Variants in PCSK2 observed in about 807,000 individuals in gnomAD.
The protein encoded by PCSK2 is proprotein convertase subtilisin/kexin type 2.
PCSK2 carries 14 observed loss-of-function variants against 69.7 expected under a neutral mutation model. The observed-to-expected ratio is 0.20, with a 90% CI of 0.13 to 0.31. PCSK2 has a LOEUF of 0.31. Among genes scored for constraint, PCSK2 ranks in the 10% least tolerant of loss-of-function variants. The pLI, the probability that PCSK2 is intolerant of heterozygous loss-of-function variation, is 1.00. For missense variants in PCSK2, 544 were observed against 842.5 expected (o/e 0.65, Z 4.39); for synonymous variants, 307 against 320.7 (o/e 0.96, Z 0.46).
Position 17,304,759 on chromosome 20 carries a change from A to G in PCSK2, c.282+44415A>G, listed in dbSNP as rs115555775. ...ATTGAGCTTATGATTCAGTCTCCCC[A>G]TATGTAAAATGCAGATAATAATAGA... On this transcript the variant is annotated intron_variant, in intron 2 of 11. Coordinates refer to ENST00000262545, the MANE Select transcript of PCSK2 (RefSeq NM_002594.5). 1.5e-3 allele frequency among the ~76,000 whole-genome samples: 222 copies of G among 152,266 alleles called. 2 individuals are homozygous for G. The highest frequency in any genetic ancestry group is 4.9e-3 in the African/African-American group (202 of 41,544).
intron 6 of PCSK2, 31 bp downstream of exon 6, chr20:17,409,370 T>C (rs765291096): frequency 6.7e-7 from 1 of 1,483,378 alleles, no homozygotes; most frequent in African/African-American, 1.4e-5. Context: ...TCTCTTTGAC[T>C]TTAGGCTTTG....
chr20:17,396,942 G>C (rs750190891), intron 5 of PCSK2, among the ~76,000 whole-genome samples: 2 of 152,116 alleles, frequency 1.3e-5, no homozygotes, highest in Admixed American at 1.3e-4. Flanking sequence ...TGGGAGAATC[G>C]GCCAGTTCTA....
intron 11 of PCSK2, chr20:17,479,574 C>G (rs2033355034): frequency 3.6e-6 from 1 of 281,254 alleles, no homozygotes; most frequent in African/African-American, 2.2e-5. Context: ...CCGAGGCAGG[C>G]GGATCACAAG....
chr20:17,259,271 G>A (rs1177021349), intron 1 of PCSK2, among the ~76,000 whole-genome samples: 3 of 152,126 alleles, frequency 2.0e-5, no homozygotes, highest in Non-Finnish European at 4.4e-5. Flanking sequence ...TCCAAAAAAA[G>A]TACATATTTA....
At chr20:17,347,571 AG>A (rs1046382984) in intron 2 of PCSK2, among the ~76,000 whole-genome samples, 3 of 152,136 alleles carry the variant, frequency 2.0e-5, no homozygotes, top group Non-Finnish European at 4.4e-5. Flanking sequence ...GAAAAGCTAG[AG>A]CCCCAACAGT....
chr20:17,249,235 G>A (rs374757945), intron 1 of PCSK2, among the ~76,000 whole-genome samples: 29 of 152,222 alleles, frequency 1.9e-4, no homozygotes, highest in African/African-American at 5.5e-4. Context: ...AGTCGGGCGC[G>A]GTGGCTCACG....
chr20:17,345,591 G>A (rs1485574208), intron 2 of PCSK2, among the ~76,000 whole-genome samples: 2 of 152,174 alleles, frequency 1.3e-5, no homozygotes, highest in East Asian at 3.9e-4. Flanking sequence ...AAAGCAGTCA[G>A]CAGACTAGAC....
At chr20:17,258,508 A>G (rs761732649) in intron 1 of PCSK2, among the ~76,000 whole-genome samples, 60 of 152,220 alleles carry the variant, frequency 3.9e-4, no homozygotes, top group Admixed American at 6.5e-5. Context: ...CTTAATATGC[A>G]TCAATAATGG....
In PCSK2 at chr20:17,358,453, A is replaced by G; in HGVS notation, c.396+13A>G. On this transcript the variant is annotated intron_variant, in intron 3 of 11. Transcript: ENST00000262545. ...GCAGTGGTATCTGGTGAGTGTCTTT[A>G]TGTCCTTTTGGACATTTCCCATCTT... 2.2e-6 allele frequency: 3 copies of G among 1,363,278 alleles called. No homozygotes were observed. Among genetic ancestry groups the G allele is most frequent in the Middle Eastern group, 3.6e-4 (2 of 5,582 alleles). 84.4% of individuals were successfully genotyped at this position (1,363,278 alleles called of 1,614,324 possible).
chr20:17,343,028 T>C (rs1217996826), intron 2 of PCSK2, among the ~76,000 whole-genome samples: 1 of 152,124 alleles, frequency 6.6e-6, no homozygotes, highest in African/African-American at 2.4e-5. Flanking sequence ...AGAAAACAAA[T>C]GTACAGAAAG....
chr20:17,367,807 G>A (rs1023565007), intron 4 of PCSK2, among the ~76,000 whole-genome samples: 7 of 152,076 alleles, frequency 4.6e-5, no homozygotes, highest in South Asian at 2.1e-4. Flanking sequence ...CAAAATTGAC[G>A]GTCTTTGAAT....
intron 5 of PCSK2, among the ~76,000 whole-genome samples, chr20:17,383,021 C>T (rs1352698833): frequency 1.3e-5 from 2 of 152,150 alleles, no homozygotes; most frequent in African/African-American, 2.4e-5. Context: ...ATGTGTTCCC[C>T]CATTAGAATG....
intron 5 of PCSK2, among the ~76,000 whole-genome samples, chr20:17,374,811 G>A (rs529711011): frequency 1.3e-5 from 2 of 152,260 alleles, no homozygotes; most frequent in South Asian, 4.2e-4. Flanking sequence ...GAGATGAGGT[G>A]GGGAGATAGA....
rs1986143526 is a variant in PCSK2, at chr20:17,231,578, T to C, written c.177+4096T>C. On this transcript the variant is annotated intron_variant, in intron 1 of 11. Transcript: ENST00000262545. The stretch of plus-strand genomic sequence containing the variant: ...GAATCCTAGAAATGGAATTGTTGAG[T>C]AAAAGGATATGCATGCATACAGCTT... Among the ~76,000 whole-genome samples the C allele has an allele frequency of 2.0e-5, 3 of 152,196 alleles. No individual in the cohort carries two copies. In the South Asian group the frequency reaches 6.2e-4, roughly 32 times the overall value.
chr20:17,305,109 T>G (rs1305777958), intron 2 of PCSK2, among the ~76,000 whole-genome samples: 1 of 152,152 alleles, frequency 6.6e-6, no homozygotes, highest in Non-Finnish European at 1.5e-5. Context: ...TCTGCTCCAT[T>G]GAAAAATAAT....
chr20:17,377,653 A>G (rs988202388), intron 5 of PCSK2, among the ~76,000 whole-genome samples: 1 of 152,222 alleles, frequency 6.6e-6, no homozygotes, highest in African/African-American at 2.4e-5. Context: ...AAGGGCTGGC[A>G]TTTTCAATGT....
upstream of PCSK2, chr20:17,226,485 G>A (rs1028457876): frequency 3.3e-5 from 5 of 151,868 alleles, no homozygotes; most frequent in African/African-American, 1.2e-4. Flanking sequence ...CGGATAAGGG[G>A]AGGCAAGTAT....
rs376777205 is a variant in PCSK2 at position 17,453,723 on chromosome 20, T to A, written c.886-19T>A. The A allele has an allele frequency of 3.7e-6, 6 of 1,610,548 alleles. No homozygotes were observed. In the African/African-American group the frequency reaches 8.0e-5, roughly 21 times the overall value. On this transcript the variant is annotated intron_variant, in intron 8 of 11. Transcript: ENST00000262545. This position sits in a 1 kb window ranked among gnomAD's most constrained non-coding sequence, Gnocchi z 4.0. ...GCCCAGGCTGTGGGTAGCGGCAGCG[T>A]CTCCCCTGCTCTCCCCAGGGCCGCG...
At chr20:17,311,622 G>A (rs755156018) in intron 2 of PCSK2, among the ~76,000 whole-genome samples, 34 of 152,148 alleles carry the variant, frequency 2.2e-4, no homozygotes, top group Non-Finnish European at 4.3e-4. Context: ...AAAGATGGAT[G>A]TGTCTTCATT....
Sources: allele counts gnomAD v4.1 joint callset (sites outside exome capture counted in the v4.1 genomes callset), GRCh38; gene constraint gnomAD v4.1.1; non-coding constraint Gnocchi (gnomAD v3.1); transcripts MANE v1.5; gene names NCBI Gene and HGNC (gene_info 2026-07-23, HGNC 2026-07-21).